LMO3: variants seen among roughly 807,000 people sequenced by gnomAD.
The protein encoded by LMO3 is LIM domain only protein 3.
A neutral mutation model predicts 15.8 loss-of-function variants in LMO3; 2 were observed. The observed-to-expected ratio is 0.13, with a 90% confidence interval of 0.05 to 0.40. LMO3 has a LOEUF of 0.40. LMO3 is among the 10% of genes least tolerant of loss of function. The pLI is 0.99. For missense variants in LMO3, 86 were observed against 182.2 expected, an observed-to-expected ratio of 0.47 and a Z score of 3.04; for synonymous variants, 62 against 63.8, an observed-to-expected ratio of 0.97 and a Z score of 0.13.
chr12:16,561,920 C>T (rs1355845180), intron 2 of LMO3, among the ~76,000 whole-genome samples: 2 of 152,076 alleles, frequency 1.3e-5, no homozygotes, highest in African/African-American at 4.8e-5. Context: ...AAAAAGTAAG[C>T]GAAGTTTACA....
intron 3 of LMO3, among the ~76,000 whole-genome samples, chr12:16,558,659 T>G (rs2137314338): frequency 6.6e-6 from 1 of 152,248 alleles, no homozygotes; most frequent in East Asian, 1.9e-4. Context: ...CAAGACATTG[T>G]AAGATAACAT....
intron 2 of LMO3, among the ~76,000 whole-genome samples, chr12:16,569,445 A>C (rs1228453252): frequency 3.3e-5 from 5 of 152,196 alleles, no homozygotes; most frequent in Non-Finnish European, 1.5e-5. Context: ...AACAGTGTTT[A>C]AACATTATAC....
At chr12:16,594,449 C>T (rs1401082233) in intron 2 of LMO3, 1 of 454,876 alleles carries the variant, frequency 2.2e-6, no homozygotes, top group African/African-American at 2.0e-5. Flanking sequence ...TATTTTTATT[C>T]CCTTTGTTTT....
At chr12:16,568,642 T>C (rs1942701301) in intron 2 of LMO3, among the ~76,000 whole-genome samples, 1 of 152,228 alleles carries the variant, frequency 6.6e-6, no homozygotes, top group African/African-American at 2.4e-5. Flanking sequence ...TGATTACACA[T>C]TGAGATGGTA....
Position 16,605,650 on chromosome 12 carries a change from G to T in LMO3, c.-9+416C>A, listed in dbSNP as rs745571328. On this transcript the variant is annotated intron_variant, in intron 1 of 3. Coordinates refer to ENST00000537304, the MANE Select transcript of LMO3 (RefSeq NM_018640.5). ...CCAGGACTGAATTCTTTTCCTATGG[G>T]CTGGGAGCAAACACTTCCTAATTCC... is the stretch of plus-strand genomic sequence containing the variant. 3.8e-4 allele frequency: 391 copies of T among 1,028,160 alleles called. 1 individual carries two copies. Among genetic ancestry groups the T allele is most frequent in the Non-Finnish European group, 4.0e-4 (284 of 703,730 alleles). The allele number at this position is 1,028,160 out of a possible 1,614,324, so 63.7% of individuals were successfully genotyped here. A position where few individuals can be genotyped will look rare whatever the true frequency, so the allele number is the denominator to read the frequency against.
At position 16,582,072 on chromosome 12, in the gene LMO3, C is replaced by T. The variant is rs760078582; in HGVS notation, c.206+18583G>A. Among the ~76,000 whole-genome samples the T allele has an allele frequency of 3.9e-5, 6 of 152,054 alleles. No individual in the cohort carries two copies. The highest frequency in any genetic ancestry group is 7.4e-5 in the Non-Finnish European group (5 of 67,990). On this transcript the variant is annotated intron_variant, in intron 2 of 3. Transcript: ENST00000537304. This position sits in a 1 kb window ranked among gnomAD's most constrained non-coding sequence, Gnocchi z 4.1. ...ATGAGTATCCCTGGCTTTTTCTTGG[C>T]TTTAATGGAAATTACTTTAGTATTT...
At chr12:16,579,200 T>C (rs1232044039) in intron 2 of LMO3, among the ~76,000 whole-genome samples, 1 of 152,186 alleles carries the variant, frequency 6.6e-6, no homozygotes. Flanking sequence ...TAGATACACA[T>C]AATTTAGATA....
At position 16,560,713 on chromosome 12, in the gene LMO3, G is replaced by A. The variant is rs1195122010; in HGVS notation, c.207-175C>T. The A allele has an allele frequency of 2.4e-5, 15 of 633,700 alleles. No individual in the cohort carries two copies. The highest frequency in any genetic ancestry group is 8.9e-5 in the South Asian group (5 of 56,016). 39.3% of individuals were successfully genotyped at this position (633,700 alleles called of 1,614,324 possible). Reference sequence around the variant, plus strand: ...AATATTCTTCTGCAATATATTCTCCGTTGACCTTCCTTGATGAAAATCACA... The same window carrying A: ...AATATTCTTCTGCAATATATTCTCCATTGACCTTCCTTGATGAAAATCACA... On this transcript the variant is annotated intron_variant, in intron 2 of 3. Transcript: ENST00000537304. The surrounding 1 kb of genome is among the most constrained non-coding windows in gnomAD (Gnocchi z 5.0).
At position 16,549,842 on chromosome 12, in the gene LMO3, T is replaced by C. The variant is rs940177634; in HGVS notation, c.*1380A>G. On this transcript the variant is annotated 3_prime_UTR_variant, in exon 4 of 4. Coordinates refer to ENST00000537304, the MANE Select transcript of LMO3 (RefSeq NM_018640.5). Reference sequence around the variant, plus strand: ...AAATAATCATTCTCCATAATTTCTCTTTCTAGAGCTTTCTTCTTTGTATGC... The same window carrying C: ...AAATAATCATTCTCCATAATTTCTCCTTCTAGAGCTTTCTTCTTTGTATGC... The C allele has an allele frequency of 6.6e-6, 1 of 152,128 alleles. No individual in the cohort carries two copies. Among genetic ancestry groups the C allele is most frequent in the African/African-American group, 2.4e-5 (1 of 41,450 alleles). 9.4% of individuals were successfully genotyped at this position (152,128 alleles called of 1,614,324 possible).
rs1418901226 is a variant in LMO3, at chr12:16,560,268, C to G, written c.332+145G>C. ...ACCTTTCTTCTCCTTAGTAGCTTGT[C>G]TCTGGCATGGGATTAAAGTTTACAG... On this transcript the variant is annotated intron_variant, in intron 3 of 3. Transcript: ENST00000537304. This position sits in a 1 kb window ranked among gnomAD's most constrained non-coding sequence, Gnocchi z 5.0. The G allele has an allele frequency of 2.5e-6, 2 of 804,358 alleles. No homozygotes were observed. The highest frequency in any genetic ancestry group is 5.7e-5 in the East Asian group (2 of 34,892). 49.8% of individuals were successfully genotyped at this position (804,358 alleles called of 1,614,324 possible).
rs1451276863 is a variant in LMO3, at chr12:16,604,858, A to T, written c.-9+1208T>A. On this transcript the variant is annotated intron_variant, in intron 1 of 3. Transcript: ENST00000537304. The surrounding 1 kb of genome is among the most constrained non-coding windows in gnomAD (Gnocchi z 5.3). ...CAAAGTGCATCTATGATAGACTGTA[A>T]CCTTACCAAAACTTTTCTCCTTTTT... The T allele has an allele frequency of 6.3e-7, 1 of 1,598,428 alleles. No individual in the cohort carries two copies. The highest frequency in any genetic ancestry group is 8.5e-7 in the Non-Finnish European group (1 of 1,179,780).
At position 16,596,800 on chromosome 12, in the gene LMO3, C is replaced by T. The variant is rs1306431059; in HGVS notation, c.206+3855G>A. 6.6e-6 allele frequency among the ~76,000 whole-genome samples: 1 copy of T among 151,636 alleles called. No individual in the cohort carries two copies. Among genetic ancestry groups the T allele is most frequent in the Non-Finnish European group, 1.5e-5 (1 of 67,676 alleles). On this transcript the variant is annotated intron_variant, in intron 2 of 3. Transcript: ENST00000537304. This position sits in a 1 kb window ranked among gnomAD's most constrained non-coding sequence, Gnocchi z 4.3. The stretch of plus-strand genomic sequence containing the variant: ...CTTAAACATTATCACTACAACTTTG[C>T]TATTTTTACACAGTCATTTTTAATC...
intron 1 of LMO3, chr12:16,605,204 T>C: frequency 1.5e-6 from 2 of 1,324,210 alleles, no homozygotes; most frequent in Non-Finnish European, 1.9e-6. Context: ...CAGCGGCCCC[T>C]TTTAGCTTCC....
rs1369892425 is a variant in LMO3 at position 16,560,156 on chromosome 12, AAG to A, written c.332+255_332+256del. 5.3e-5 allele frequency among the ~76,000 whole-genome samples: 8 copies of A among 152,206 alleles called. No individual in the cohort carries two copies. The highest frequency in any genetic ancestry group is 1.0e-4 in the Non-Finnish European group (7 of 68,030). ...AAATAATAAAAGAAGGAATGAGTAA[AAG>A]AAGTCAGAGTTTACGGTAGTGTTTC... is the stretch of plus-strand genomic sequence containing the variant. On this transcript the variant is annotated intron_variant, in intron 3 of 3. Transcript: ENST00000537304. The surrounding 1 kb of genome is among the most constrained non-coding windows in gnomAD (Gnocchi z 5.0).
intron 2 of LMO3, among the ~76,000 whole-genome samples, chr12:16,567,197 AAAACAAACAAACAAAC>A (rs145977478): frequency 4.8e-4 from 72 of 151,448 alleles, no homozygotes; most frequent in African/African-American, 1.7e-3. Flanking sequence ...ACTCCACCTC[AAAACAAACAAACAAAC>A]AAACAAACAA....
In LMO3 at chr12:16,605,113, C is replaced by T. The variant is rs1197681329; in HGVS notation, c.-9+953G>A. On this transcript the variant is annotated intron_variant, in intron 1 of 3. Transcript: ENST00000537304. ...GGCCAGACAAGACAGGGCGCACACA[C>T]GGAGCCCCTCGCAGTGTGCAAAATG... 11 of 1,431,630 alleles carry T rather than the reference C, an allele frequency of 7.7e-6. No individual in the cohort carries two copies. The Admixed American group carries it at 1.7e-4, about 22-fold the overall frequency. The allele number at this position is 1,431,630 out of a possible 1,614,324, so 88.7% of individuals were successfully genotyped here. A position where few individuals can be genotyped will look rare whatever the true frequency, so the allele number is the denominator to read the frequency against.
rs1160645760 is a variant in LMO3 at position 16,586,391 on chromosome 12, G to A, written c.206+14264C>T. On this transcript the variant is annotated intron_variant, in intron 2 of 3. Coordinates refer to ENST00000537304, the MANE Select transcript of LMO3 (RefSeq NM_018640.5). The surrounding 1 kb of genome is among the most constrained non-coding windows in gnomAD (Gnocchi z 4.3). ...GCATGGCTGTGGCAAGGAGAGCGGA[G>A]GATCCTAATCTTCCCCAGCAAGGCT... Among the ~76,000 whole-genome samples, 15 of 152,130 alleles carry A rather than the reference G, an allele frequency of 9.9e-5. No individual in the cohort carries two copies. Among genetic ancestry groups the A allele is most frequent in the Non-Finnish European group, 2.2e-4 (15 of 68,020 alleles).
Position 16,600,734 on chromosome 12 carries a change from A to G in LMO3, c.127T>C (p.Cys43Arg). 6.2e-7 allele frequency: 1 copy of G among 1,614,188 alleles called. No individual in the cohort carries two copies. Among genetic ancestry groups the G allele is most frequent in the Non-Finnish European group, 8.5e-7 (1 of 1,180,022 alleles). Reference protein sequence around the residue: ...WHEDCLKCACCDCRLGEVGST... With the variant: ...WHEDCLKCACRDCRLGEVGST... ...CCCACCTCTCCCAAGCGACAGTCACAGCAGGCACACTTCAGGCAGTCTTCA... is the reference window on the plus strand; with the variant it reads ...CCCACCTCTCCCAAGCGACAGTCACGGCAGGCACACTTCAGGCAGTCTTCA... Residue 43 changes from cysteine to arginine, a missense_variant, in exon 2 of 4, where the codon TGT becomes CGT. Coordinates refer to ENST00000537304, the MANE Select transcript of LMO3 (RefSeq NM_018640.5).
In LMO3 at chr12:16,591,735, G is replaced by T. The variant is rs1943500834; in HGVS notation, c.206+8920C>A. 6.6e-6 allele frequency among the ~76,000 whole-genome samples: 1 copy of T among 152,022 alleles called. No individual in the cohort carries two copies. Among genetic ancestry groups the T allele is most frequent in the Non-Finnish European group, 1.5e-5 (1 of 67,964 alleles). On this transcript the variant is annotated intron_variant, in intron 2 of 3. Transcript: ENST00000537304. This position sits in a 1 kb window ranked among gnomAD's most constrained non-coding sequence, Gnocchi z 4.1. ...GATAAGAGATGGAACAATACAAATAGCATGAAAGTTACAAGCTAAGTCTGT... is the reference window on the plus strand; with the variant it reads ...GATAAGAGATGGAACAATACAAATATCATGAAAGTTACAAGCTAAGTCTGT...
Sources: allele counts gnomAD v4.1 joint callset (sites outside exome capture counted in the v4.1 genomes callset), GRCh38; gene constraint gnomAD v4.1.1; non-coding constraint Gnocchi (gnomAD v3.1); transcripts MANE v1.5; gene names NCBI Gene and HGNC (gene_info 2026-07-23, HGNC 2026-07-21).